POU6F2: variants seen among roughly 807,000 people sequenced by gnomAD.
The protein encoded by POU6F2 is POU domain, class 6, transcription factor 2.
Under a neutral mutation model 71.3 loss-of-function variants are expected in POU6F2, and 31 were observed. The ratio of observed to expected loss-of-function variants is 0.43; its 90% CI spans 0.33 to 0.59. The LOEUF (loss-of-function observed/expected upper bound fraction) is 0.59. Among genes scored for constraint, POU6F2 ranks in the 20% least tolerant of loss-of-function variants. POU6F2 has a pLI of 0.04. For missense variants in POU6F2, 783 were observed against 856.8 expected, an observed-to-expected ratio of 0.91 and a Z score of 1.07; for synonymous variants, 347 against 355.7, an observed-to-expected ratio of 0.98 and a Z score of 0.27.
intron 4 of POU6F2, among the ~76,000 whole-genome samples, chr7:39,229,573 G>A (rs1014148253): frequency 2.0e-5 from 3 of 152,194 alleles, no homozygotes; most frequent in African/African-American, 4.8e-5. Context: ...TAGGAAAAGA[G>A]AAAAACCTCC....
chr7:39,149,749 T>C (rs554773644), intron 2 of POU6F2, among the ~76,000 whole-genome samples: 2 of 152,322 alleles, frequency 1.3e-5, no homozygotes, highest in African/African-American at 4.8e-5. Context: ...TATATGTGTG[T>C]GTATATATAT....
chr7:39,076,008 T>G (rs1340669610), intron 1 of POU6F2, among the ~76,000 whole-genome samples: 1 of 152,192 alleles, frequency 6.6e-6, no homozygotes, highest in Non-Finnish European at 1.5e-5. Context: ...GGAAGCAGCA[T>G]ATGGGTCAGT....
chr7:39,373,678 A>C (rs2115763286), intron 5 of POU6F2: 1 of 352,408 alleles, frequency 2.8e-6, no homozygotes, highest in African/African-American at 2.1e-5. Context: ...ATAAAGAATA[A>C]GCTCCCAGAT....
intron 4 of POU6F2, among the ~76,000 whole-genome samples, chr7:39,258,713 AAGAAG>A (rs1784073508): frequency 7.6e-6 from 1 of 131,148 alleles, no homozygotes; most frequent in South Asian, 2.5e-4. Context: ...AAAAAAAAAA[AAGAAG>A]AAGAAGAAGA....
chr7:39,123,649 T>A (rs1792088511), intron 2 of POU6F2, among the ~76,000 whole-genome samples: 1 of 152,222 alleles, frequency 6.6e-6, no homozygotes, highest in Non-Finnish European at 1.5e-5. Flanking sequence ...CTAACAGCAC[T>A]TCTATTATCT....
At chr7:39,116,007 T>G (rs933738693) in intron 2 of POU6F2, among the ~76,000 whole-genome samples, 1 of 152,180 alleles carries the variant, frequency 6.6e-6, no homozygotes, top group Non-Finnish European at 1.5e-5. Context: ...TACAGAGGAT[T>G]TGGGCAAAAC....
chr7:39,361,714 A>G (rs1413374698), intron 5 of POU6F2, among the ~76,000 whole-genome samples: 1 of 152,244 alleles, frequency 6.6e-6, no homozygotes, highest in Non-Finnish European at 1.5e-5. Flanking sequence ...TTTATGTAAC[A>G]TACTTTGAGA....
intron 2 of POU6F2, among the ~76,000 whole-genome samples, chr7:39,154,234 C>T (rs1792817265): frequency 6.6e-6 from 1 of 152,120 alleles, no homozygotes; most frequent in Non-Finnish European, 1.5e-5. Context: ...GGCCAAGTAG[C>T]TGTGCTGGGC....
chr7:39,086,741 G>A (rs1791253114), intron 2 of POU6F2, among the ~76,000 whole-genome samples: 1 of 152,048 alleles, frequency 6.6e-6, no homozygotes, highest in African/African-American at 2.4e-5. Context: ...TGCCACTCCA[G>A]CAAAGACATC....
At chr7:39,217,033 T>C (rs888343631) in intron 4 of POU6F2, among the ~76,000 whole-genome samples, 2 of 152,298 alleles carry the variant, frequency 1.3e-5, no homozygotes, top group Admixed American at 1.3e-4. Context: ...GAAATTCTTA[T>C]ATTAATAGGT....
intron 2 of POU6F2, among the ~76,000 whole-genome samples, chr7:39,149,539 CTATT>C (rs768895062): frequency 4.6e-5 from 7 of 152,154 alleles, no homozygotes; most frequent in Non-Finnish European, 1.0e-4. Context: ...CAGCTAAAAT[CTATT>C]TATTTCACAA....
intron 6 of POU6F2, among the ~76,000 whole-genome samples, chr7:39,424,510 C>T (rs10269203): frequency 0.3 from 45,142 of 151,896 alleles, 7,132 homozygotes; most frequent in East Asian, 0.55. Context: ...GCACCTACAC[C>T]GTGTTCAAAA....
At chr7:39,256,385 A>G (rs1418432974) in intron 4 of POU6F2, among the ~76,000 whole-genome samples, 1 of 152,110 alleles carries the variant, frequency 6.6e-6, no homozygotes, top group Admixed American at 6.6e-5. Context: ...GCTGGGGGAA[A>G]AAGAGGGACA....
At position 38,986,440 on chromosome 7, in the gene POU6F2, T is replaced by A. The variant is rs1356329449; in HGVS notation, c.105+8382T>A. On this transcript the variant is annotated intron_variant, in intron 1 of 9. Coordinates refer to ENST00000518318, the MANE Select transcript of POU6F2 (RefSeq NM_001370959.1). ...TTCCTTCCAAAAACAGGGGGGCTCT[T>A]TGGTTTGCAATGTACTGCCATTTGT... is the stretch of plus-strand genomic sequence containing the variant. 2.6e-5 allele frequency among the ~76,000 whole-genome samples: 4 copies of A among 152,280 alleles called. No homozygotes were observed. In the East Asian group the frequency reaches 5.8e-4, roughly 22 times the overall value.
chr7:39,267,941 G>A (rs1784279544), intron 4 of POU6F2, among the ~76,000 whole-genome samples: 1 of 152,172 alleles, frequency 6.6e-6, no homozygotes, highest in South Asian at 2.1e-4. Context: ...TTCCTAAGGT[G>A]GGTAACACAC....
Position 39,209,689 on chromosome 7 carries a change from G to T in POU6F2, c.598+2069G>T, listed in dbSNP as rs562568069. On this transcript the variant is annotated intron_variant, in intron 4 of 9. Transcript: ENST00000518318. ...CACCACCTAAAGGGCAAAGCCAGTG[G>T]TCACCTTGTAATCAATCCACCAGCA... Among the ~76,000 whole-genome samples, 18 of 152,302 alleles carry T rather than the reference G, an allele frequency of 1.2e-4. No homozygotes were observed. In the East Asian group the frequency reaches 3.5e-3, roughly 29 times the overall value.
chr7:39,007,695 G>T (rs1046783171), intron 1 of POU6F2, among the ~76,000 whole-genome samples: 2 of 150,912 alleles, frequency 1.3e-5, no homozygotes, highest in Non-Finnish European at 2.9e-5. Flanking sequence ...CCCCACCACA[G>T]TCCCCAGAGT....
At chr7:39,176,710 A>G (rs955308094) in intron 2 of POU6F2, among the ~76,000 whole-genome samples, 2 of 152,188 alleles carry the variant, frequency 1.3e-5, no homozygotes, top group South Asian at 2.1e-4. Flanking sequence ...GCATACAAAC[A>G]CATACCCCAT....
chr7:39,366,487 T>C (rs893022766), intron 5 of POU6F2, among the ~76,000 whole-genome samples: 1 of 151,886 alleles, frequency 6.6e-6, no homozygotes, highest in Admixed American at 6.6e-5. Context: ...TAACAAAGGG[T>C]AGCAAGTGGT....
Sources: gnomAD v4.1 joint callset for allele counts (sites outside exome capture counted in the v4.1 genomes callset) on GRCh38, gnomAD v4.1.1 for gene constraint, MANE v1.5 for transcripts, NCBI Gene and HGNC (gene_info 2026-07-23, HGNC 2026-07-21) for gene names.